TMTC4: variants seen among roughly 807,000 people sequenced by gnomAD.
TMTC4 encodes protein O-mannosyl-transferase TMTC4.
TMTC4 carries 65 observed loss-of-function variants against 86.0 expected under a neutral mutation model. The ratio of observed to expected loss-of-function variants is 0.76; its 90% CI spans 0.62 to 0.93. The LOEUF (loss-of-function observed/expected upper bound fraction) is 0.93, where lower values mean the gene tolerates loss of function less well. Ranked by LOEUF, TMTC4 falls within the 40% of genes least tolerant of loss-of-function variation. The pLI, the probability that TMTC4 is intolerant of heterozygous loss-of-function variation, is 0.00. For missense variants in TMTC4, 866 were observed against 948.1 expected, an observed-to-expected ratio of 0.91 and a Z score of 1.14; for synonymous variants, 379 against 382.5, an observed-to-expected ratio of 0.99 and a Z score of 0.11.
At chr13:100,617,277 G>A (rs1878655958) in intron 15 of TMTC4, among the ~76,000 whole-genome samples, 1 of 152,196 alleles carries the variant, frequency 6.6e-6, no homozygotes, top group African/African-American at 2.4e-5. Context: ...TGGGACTACA[G>A]GCACATACCA....
At position 100,668,465 on chromosome 13, in the gene TMTC4, G is replaced by T. The variant is rs910084945; in HGVS notation, c.219+114C>A. 13 of 1,080,882 alleles carry T rather than the reference G, an allele frequency of 1.2e-5. No individual in the cohort carries two copies. The African/African-American group carries it at 1.7e-4, about 15-fold the overall frequency. The allele number at this position is 1,080,882 out of a possible 1,614,324, so 67.0% of individuals were successfully genotyped here. On this transcript the variant is annotated intron_variant, in intron 3 of 18. Transcript: ENST00000342624. ...GAGAAAAATCGAGAGCACCATCGGG[G>T]CCCAGGCCAATGCTTAACCTACATT...
At chr13:100,657,258 A>G (rs1040662292) in intron 5 of TMTC4, among the ~76,000 whole-genome samples, 8 of 152,254 alleles carry the variant, frequency 5.3e-5, no homozygotes, top group African/African-American at 1.9e-4. Context: ...CGTCCTGCCG[A>G]TAGAAAAAGA....
chr13:100,607,837 T>C (rs1876906240), intron 17 of TMTC4, among the ~76,000 whole-genome samples: 1 of 152,090 alleles, frequency 6.6e-6, no homozygotes, highest in African/African-American at 2.4e-5. Context: ...CAGGACAACA[T>C]ACGGGATGTC....
chr13:100,637,493 G>A lies in TMTC4; in HGVS notation c.999+45C>T, dbSNP rs753573222. On this transcript the variant is annotated intron_variant, in intron 9 of 18. Coordinates refer to ENST00000342624, the MANE Select transcript of TMTC4 (RefSeq NM_032813.5). The stretch of plus-strand genomic sequence containing the variant: ...GAGGGGTGAGGGATCTGGGAATCTG[G>A]TGGGGGAAGAAAAGAGTCCAGGGGG... The A allele has an allele frequency of 7.0e-6, 11 of 1,571,450 alleles. No individual in the cohort carries two copies. In the South Asian group the frequency reaches 1.2e-4, roughly 17 times the overall value.
chr13:100,655,626 G>A (rs1240434216), intron 6 of TMTC4, among the ~76,000 whole-genome samples: 3 of 152,180 alleles, frequency 2.0e-5, no homozygotes, highest in African/African-American at 7.2e-5. Context: ...ACCCCAGGAA[G>A]AGACTGCAGT....
chr13:100,634,376 A>AC (rs1881893081), intron 12 of TMTC4, among the ~76,000 whole-genome samples: 1 of 152,014 alleles, frequency 6.6e-6, no homozygotes, highest in South Asian at 2.1e-4. Context: ...AGGCATTACT[A>AC]CCCCTTTAAA....
chr13:100,654,662 T>C (rs1376571076), intron 6 of TMTC4, among the ~76,000 whole-genome samples: 3 of 152,120 alleles, frequency 2.0e-5, no homozygotes, highest in African/African-American at 7.2e-5. Flanking sequence ...AAAAAGAATA[T>C]AAAATGTCTA....
rs1885136716 is a variant in TMTC4, at chr13:100,656,542, C to CTTTTTTCTTTTTTTT, written c.553-75_553-74insAAAAAAAAGAAAAAA. 5.7e-6 allele frequency: 2 copies of CTTTTTTCTTTTTTTT among 350,206 alleles called. 1 individual carries two copies. Among genetic ancestry groups the CTTTTTTCTTTTTTTT allele is most frequent in the South Asian group, 7.7e-5 (2 of 26,040 alleles). The allele number at this position is 350,206 out of a possible 1,614,324, so 21.7% of individuals were successfully genotyped here. A position where few individuals can be genotyped will look rare whatever the true frequency, so the allele number is the denominator to read the frequency against. ...GAAATCCTAAACTTAGGAGACATAA[C>CTTTTTTCTTTTTTTT]TTTTTTTTTTTTTTTTTTGCGACAG... is the stretch of plus-strand genomic sequence containing the variant. On this transcript the variant is annotated intron_variant, in intron 5 of 18. Coordinates refer to ENST00000342624, the MANE Select transcript of TMTC4 (RefSeq NM_032813.5).
At chr13:100,634,966 A>T in intron 11 of TMTC4, 30 bp from the exon 12 acceptor site, 1 of 1,611,546 alleles carries the variant, frequency 6.2e-7, no homozygotes, top group Non-Finnish European at 8.5e-7. Context: ...GGTAATTGTC[A>T]CCAGTGAGAT....
At chr13:100,663,217 C>T (rs376034193) in intron 4 of TMTC4, 37 bp from the exon 5 acceptor site, 21 of 1,591,324 alleles carry the variant, frequency 1.3e-5, no homozygotes, top group African/African-American at 4.0e-5. Flanking sequence ...ACACGCGCAG[C>T]GGCATGCGGC....
In TMTC4 at chr13:100,634,924, C is replaced by T. The variant is rs368901683; in HGVS notation, c.1387G>A (p.Ala463Thr). The T allele has an allele frequency of 7.3e-5, 117 of 1,613,746 alleles. No individual in the cohort carries two copies. Among genetic ancestry groups the T allele is most frequent in the Non-Finnish European group, 8.5e-5 (100 of 1,179,920 alleles). The change falls in exon 12 of 19, where the codon GCT (alanine) becomes ACT (threonine). Residue 463 changes from alanine to threonine, a missense_variant. Ala to Thr is a moderately conservative substitution (Grantham distance 58). Transcript: ENST00000342624. ...ATGAATAAGATTCCCAGCACGACAG[C>T]GGCAATGAGTTTCTTAAGAACAGAA... ...KHTKKKKLIAAVVLGILFINT... is the reference protein window; with the variant it reads ...KHTKKKKLIATVVLGILFINT...
intron 17 of TMTC4, among the ~76,000 whole-genome samples, chr13:100,607,749 C>G (rs1876889009): frequency 6.6e-6 from 1 of 152,110 alleles, no homozygotes; most frequent in Non-Finnish European, 1.5e-5. Context: ...TCTCCAAAAC[C>G]ATGACCTTTC....
chr13:100,613,998 C>T (rs1411626788), intron 16 of TMTC4, among the ~76,000 whole-genome samples: 2 of 151,806 alleles, frequency 1.3e-5, no homozygotes, highest in African/African-American at 2.4e-5. Context: ...CGCCACCACA[C>T]CCGGCTAATT....
At position 100,605,098 on chromosome 13, in the gene TMTC4, G is replaced by C; in HGVS notation, c.2179C>G (p.His727Asp). 1.9e-6 allele frequency: 3 copies of C among 1,613,780 alleles called. No homozygotes were observed. The highest frequency in any genetic ancestry group is 2.5e-6 in the Non-Finnish European group (3 of 1,179,908). ...RWGHLDLAKK[H>D]YEISLQLDPT... is the part of the protein sequence containing the mutation. ...TCAAGCTGCAAGGAGATTTCATAGT[G>C]TTTCTTGGCCAAGTCTAGATGTCCC... is the stretch of plus-strand genomic sequence containing the variant. The change falls in exon 19 of 19, where the codon CAC (histidine) becomes GAC (aspartate). Residue 727 changes from histidine to aspartate, a missense_variant. Physicochemically the swap from His to Asp is moderately conservative, Grantham distance 81 (BLOSUM62 -1). Transcript: ENST00000342624. The surrounding 1 kb of genome is among the most constrained non-coding windows in gnomAD (Gnocchi z 4.3).
At chr13:100,618,583 CA>C (rs1429287727) in intron 15 of TMTC4, among the ~76,000 whole-genome samples, 34 of 151,512 alleles carry the variant, frequency 2.2e-4, no homozygotes, top group African/African-American at 8.0e-4. Flanking sequence ...GGAAGGTCAG[CA>C]GATAAACAAG....
At chr13:100,672,122 T>C (rs1236415130) in intron 1 of TMTC4, among the ~76,000 whole-genome samples, 1 of 152,198 alleles carries the variant, frequency 6.6e-6, no homozygotes, top group Non-Finnish European at 1.5e-5. Context: ...CTAGTTCTCA[T>C]TATTGTTAGA....
chr13:100,650,093 A>C (rs986798923), intron 6 of TMTC4, among the ~76,000 whole-genome samples: 6 of 151,762 alleles, frequency 4.0e-5, no homozygotes, highest in South Asian at 2.1e-4. Flanking sequence ...AAAAAAAAAA[A>C]CAAAAACCAT....
At chr13:100,616,911 C>A (rs1481225238) in intron 15 of TMTC4, among the ~76,000 whole-genome samples, 1 of 152,018 alleles carries the variant, frequency 6.6e-6, no homozygotes, top group Non-Finnish European at 1.5e-5. Context: ...CAATATTAGA[C>A]CTTTGTTGGA....
chr13:100,665,443 C>T (rs973599136), intron 3 of TMTC4, among the ~76,000 whole-genome samples: 5 of 152,208 alleles, frequency 3.3e-5, no homozygotes, highest in Middle Eastern at 3.2e-3. Context: ...GGGGAGTTTG[C>T]AGCTCACAGA....
Sources: allele counts gnomAD v4.1 joint callset (sites outside exome capture counted in the v4.1 genomes callset), GRCh38; gene constraint gnomAD v4.1.1; non-coding constraint Gnocchi (gnomAD v3.1); transcripts MANE v1.5; gene names NCBI Gene and HGNC (gene_info 2026-07-23, HGNC 2026-07-21).